The following PDK3 variants were observed in gnomAD, a reference collection of about 807,000 sequenced individuals.
The protein encoded by PDK3 is pyruvate dehydrogenase kinase 3.
PDK3 carries 12 observed loss-of-function variants against 32.0 expected under a neutral mutation model. The observed-to-expected ratio is 0.37, with a 90% CI of 0.24 to 0.61. The LOEUF is 0.61. Ranked by LOEUF, PDK3 falls within the 20% of genes least tolerant of loss-of-function variation. The probability of loss-of-function intolerance (pLI) is 0.65; values close to 1 mark genes in which losing one functional copy is unlikely to be tolerated. For missense variants in PDK3, 188 were observed against 316.9 expected, an observed-to-expected ratio of 0.59 and a Z score of 3.09; for synonymous variants, 122 against 116.3, an observed-to-expected ratio of 1.05 and a Z score of -0.31.
chrX:24,518,837 G>GCA lies in PDK3; in HGVS notation c.596-54_596-53dup, dbSNP rs3222401. ...CCTATAGATATATACATGCACATGT[G>GCA]CACACACACACACACACACACACAC... On this transcript the variant is annotated intron_variant, in intron 5 of 10. Transcript: ENST00000379162. 2,030 of 372,228 alleles carry GCA rather than the reference G, an allele frequency of 5.5e-3. 14 individuals carry two copies. The highest frequency in any genetic ancestry group is 0.033 in the Admixed American group (670 of 20,348). The allele number at this position is 372,228 out of a possible 1,213,427, so 30.7% of individuals were successfully genotyped here. A position where few individuals can be genotyped will look rare whatever the true frequency, so the allele number is the denominator to read the frequency against.
intron 6 of PDK3, among the ~76,000 whole-genome samples, chrX:24,520,819 ATG>A (rs2148198845): frequency 1.8e-5 from 2 of 112,059 alleles, no homozygotes; most frequent in South Asian, 7.4e-4. Flanking sequence ...CTGTTTTCCT[ATG>A]GGTATACATT....
At position 24,468,175 on chromosome X, in the gene PDK3, TAAG is replaced by T. The variant is rs1228079487; in HGVS notation, c.106+2615_106+2617del. Among the ~76,000 whole-genome samples the T allele has an allele frequency of 3.3e-4, 37 of 112,033 alleles. No individual in the cohort carries two copies. The Admixed American group carries it at 3.5e-3, about 11-fold the overall frequency. ...TGTGGATGTACTGCACATCAGTAAA[TAAG>T]GAGATTATTTGCTATGTTCAAAAGT... On this transcript the variant is annotated intron_variant, in intron 1 of 10. Transcript: ENST00000379162.
chrX:24,494,092 A>G (rs1288663943), intron 1 of PDK3, among the ~76,000 whole-genome samples: 2 of 112,188 alleles, frequency 1.8e-5, no homozygotes, highest in Admixed American at 9.5e-5. Context: ...GTCAACCCAC[A>G]TCTTACCCTC....
intron 5 of PDK3, among the ~76,000 whole-genome samples, chrX:24,511,052 A>G (rs1019217384): frequency 8.9e-6 from 1 of 112,402 alleles, no homozygotes; most frequent in African/African-American, 3.2e-5. Flanking sequence ...GAAAGGCCTG[A>G]AATTTCTTCT....
At chrX:24,545,204 A>G (rs1403288706) in exon 12 of PDK3, among the ~76,000 whole-genome samples, 1 of 112,169 alleles carries the variant, frequency 8.9e-6, no homozygotes, top group Non-Finnish European at 1.9e-5. Flanking sequence ...GAGCTGTGCC[A>G]CTGAGGGGGT....
intron 1 of PDK3, among the ~76,000 whole-genome samples, chrX:24,478,254 G>A (rs1166719430): frequency 9.0e-6 from 1 of 110,843 alleles, no homozygotes; most frequent in African/African-American, 3.3e-5. Context: ...AGACCAGCCT[G>A]GCCAACATGG....
exon 12 of PDK3, chrX:24,547,791 T>C (rs1923026848): frequency 8.9e-6 from 1 of 112,883 alleles, no homozygotes; most frequent in South Asian, 3.6e-4. Flanking sequence ...TAAGACCATA[T>C]TTTTATTTCT....
chrX:24,531,812 T>C (rs767766380), intron 10 of PDK3, 42 bp downstream of exon 10: 1 of 708,903 alleles, frequency 1.4e-6, no homozygotes, highest in South Asian at 2.3e-5. Flanking sequence ...CTTTGCTTTT[T>C]AAAGCTGTAA....
At chrX:24,502,686 A>C (rs1249638825) in intron 3 of PDK3, among the ~76,000 whole-genome samples, 2 of 111,267 alleles carry the variant, frequency 1.8e-5, no homozygotes, top group Admixed American at 1.9e-4. Context: ...TCTACTAAAA[A>C]TACAAAAATT....
chrX:24,483,016 T>C (rs1356492555), intron 1 of PDK3, among the ~76,000 whole-genome samples: 1 of 112,767 alleles, frequency 8.9e-6, no homozygotes, highest in Non-Finnish European at 1.9e-5. Context: ...ACACAGCATT[T>C]CCTTGATGAA....
intron 9 of PDK3, among the ~76,000 whole-genome samples, chrX:24,529,323 A>T (rs1335605774): frequency 8.9e-6 from 1 of 111,819 alleles, no homozygotes; most frequent in Non-Finnish European, 1.9e-5. Flanking sequence ...GACTTTTAAC[A>T]GTTAACGCAT....
chrX:24,470,687 C>CAAAAAAAAAAAAAAA (rs58511156), intron 1 of PDK3, among the ~76,000 whole-genome samples: 4 of 26,276 alleles, frequency 1.5e-4, no homozygotes, highest in African/African-American at 3.6e-4. Context: ...AACGGCATCT[C>CAAAAAAAAAAAAAAA]AAAAAAAAAA....
chrX:24,469,420 A>ATGAT (rs1361761041), intron 1 of PDK3, among the ~76,000 whole-genome samples: 1 of 110,703 alleles, frequency 9.0e-6, no homozygotes. Context: ...TAAAAAAAAA[A>ATGAT]TGATATATCT....
At chrX:24,519,950 T>C (rs918311817) in intron 6 of PDK3, among the ~76,000 whole-genome samples, 2 of 112,176 alleles carry the variant, frequency 1.8e-5, no homozygotes, top group Admixed American at 9.4e-5. Context: ...CCCAATACTT[T>C]GGGAGGCCAA....
rs1024002342 is a variant in PDK3, at chrX:24,517,116, A to G, written c.596-1817A>G. 1.1e-4 allele frequency among the ~76,000 whole-genome samples: 12 copies of G among 111,135 alleles called. No individual in the cohort carries two copies. The East Asian group carries it at 1.1e-3, about 11-fold the overall frequency. On this transcript the variant is annotated intron_variant, in intron 5 of 10. Coordinates refer to ENST00000379162, the MANE Select transcript of PDK3 (RefSeq NM_005391.5). ...CAGCTGTGTGTACACTTTACTTTCA[A>G]TGAGTGAATTGTATGGCATAAGAAT...
At chrX:24,547,879 A>T (rs1371970886) in exon 12 of PDK3, 2 of 113,208 alleles carry the variant, frequency 1.8e-5, no homozygotes, top group African/African-American at 6.4e-5. Context: ...TGGCTTTGCA[A>T]TAAGTGTTCA....
In PDK3 at chrX:24,465,355, G is replaced by A; in HGVS notation, c.-101G>A. 3.8e-6 allele frequency: 2 copies of A among 531,904 alleles called. No individual in the cohort carries two copies. Among genetic ancestry groups the A allele is most frequent in the Non-Finnish European group, 5.8e-6 (2 of 346,693 alleles). 43.8% of individuals were successfully genotyped at this position (531,904 alleles called of 1,213,427 possible). On this transcript the variant is annotated 5_prime_UTR_variant, in exon 1 of 11. Coordinates refer to ENST00000379162, the MANE Select transcript of PDK3 (RefSeq NM_005391.5). ...GCGCCGAGGCCGAGATCGAGGCCGG[G>A]GTGCGCGCTTCGCAAACGTGCCCTA...
intron 1 of PDK3, among the ~76,000 whole-genome samples, chrX:24,480,944 G>A (rs992028280): frequency 8.9e-6 from 1 of 112,233 alleles, no homozygotes; most frequent in African/African-American, 3.2e-5. Flanking sequence ...GAACAGGTAA[G>A]GTGTTAACCC....
intron 1 of PDK3, among the ~76,000 whole-genome samples, chrX:24,486,048 T>C (rs910043827): frequency 1.8e-5 from 2 of 111,952 alleles, no homozygotes; most frequent in Non-Finnish European, 3.8e-5. Flanking sequence ...TTTCCAAAGA[T>C]GGCCATGAGG....
Sources: gnomAD v4.1 joint callset for allele counts (sites outside exome capture counted in the v4.1 genomes callset) on GRCh38, gnomAD v4.1.1 for gene constraint, MANE v1.5 for transcripts, NCBI Gene and HGNC (gene_info 2026-07-23, HGNC 2026-07-21) for gene names.